PLCL2: variants seen among roughly 807,000 people sequenced by gnomAD.
PLCL2 encodes the protein inactive phospholipase C-like protein 2.
In PLCL2, 4 loss-of-function variants were observed where a neutral mutation model predicts 79.6. That is an observed-to-expected ratio of 0.05 (90% CI 0.02 to 0.11). PLCL2 has a LOEUF of 0.11. PLCL2 is among the 10% of genes least tolerant of loss of function. The pLI, the probability that PLCL2 is intolerant of heterozygous loss-of-function variation, is 1.00. For synonymous variants in PLCL2, 484 were observed against 457.7 expected, an observed-to-expected ratio of 1.06 and a Z score of -0.73; for missense variants, 895 against 1,291.0, an observed-to-expected ratio of 0.69 and a Z score of 4.70.
At chr3:16,926,041 A>T (rs1382860484) in intron 1 of PLCL2, among the ~76,000 whole-genome samples, 1 of 152,246 alleles carries the variant, frequency 6.6e-6, no homozygotes, top group Non-Finnish European at 1.5e-5. Flanking sequence ...ATACTTCTAT[A>T]AATGAAATGT....
intron 3 of PLCL2, 136 bp downstream of exon 3, chr3:17,015,047 T>C: frequency 1.5e-6 from 1 of 680,786 alleles, no homozygotes; most frequent in Non-Finnish European, 2.5e-6. Context: ...GGAGAAGTAA[T>C]TCCCCTGACC....
chr3:17,050,402 G>A (rs1252793951), intron 4 of PLCL2, among the ~76,000 whole-genome samples: 1 of 151,948 alleles, frequency 6.6e-6, no homozygotes, highest in Non-Finnish European at 1.5e-5. Flanking sequence ...AATGGGACAA[G>A]GAATTAATAA....
intron 1 of PLCL2, among the ~76,000 whole-genome samples, chr3:16,975,078 CAGTA>C (rs774360962): frequency 6.6e-5 from 10 of 152,116 alleles, no homozygotes; most frequent in Non-Finnish European, 1.5e-4. Flanking sequence ...CTAGAAGAGG[CAGTA>C]AGGCATGGAG....
At chr3:17,043,155 G>T (rs2064744214) in intron 4 of PLCL2, among the ~76,000 whole-genome samples, 1 of 152,072 alleles carries the variant, frequency 6.6e-6, no homozygotes, top group Non-Finnish European at 1.5e-5. Flanking sequence ...CATTAACATT[G>T]GTCTGAGGTA....
intron 1 of PLCL2, among the ~76,000 whole-genome samples, chr3:17,004,382 A>G (rs1459457328): frequency 6.6e-6 from 1 of 152,140 alleles, no homozygotes; most frequent in African/African-American, 2.4e-5. Flanking sequence ...AATACAGAAT[A>G]CTGTAGAGGA....
intron 1 of PLCL2, among the ~76,000 whole-genome samples, chr3:16,968,915 A>G (rs1327055608): frequency 6.6e-6 from 1 of 152,134 alleles, no homozygotes; most frequent in Admixed American, 6.6e-5. Flanking sequence ...ATTTTGAGGT[A>G]TATTCTTTCA....
intron 1 of PLCL2, among the ~76,000 whole-genome samples, chr3:16,959,237 TC>T (rs2063733297): frequency 6.6e-6 from 1 of 152,154 alleles, no homozygotes; most frequent in Admixed American, 6.5e-5. Flanking sequence ...TCTCTTTTGC[TC>T]CCTTTTACTA....
In PLCL2 at chr3:16,988,032, A is replaced by C. The variant is rs560315783; in HGVS notation, c.328-21642A>C. Among the ~76,000 whole-genome samples the C allele has an allele frequency of 5.9e-5, 9 of 152,296 alleles. No homozygotes were observed. The South Asian group carries it at 1.2e-3, about 21-fold the overall frequency. On this transcript the variant is annotated intron_variant, in intron 1 of 5. Transcript: ENST00000615277. ...ACATTGGTATTTCATTAGTAACCAG[A>C]GAACCATGGATTTGTCAAGCCTGGG...
intron 1 of PLCL2, among the ~76,000 whole-genome samples, chr3:16,916,744 C>G (rs1159506827): frequency 2.6e-5 from 4 of 152,106 alleles, no homozygotes; most frequent in Admixed American, 6.5e-5. Flanking sequence ...TTAAAGAGAC[C>G]TAAACCATAA....
At chr3:17,059,146 C>T (rs918241473) in intron 4 of PLCL2, among the ~76,000 whole-genome samples, 8 of 151,994 alleles carry the variant, frequency 5.3e-5, no homozygotes, top group African/African-American at 1.7e-4. Context: ...AACTTAAATG[C>T]TTACCAGGAG....
intron 4 of PLCL2, among the ~76,000 whole-genome samples, chr3:17,054,271 A>T (rs566299187): frequency 6.6e-6 from 1 of 152,204 alleles, no homozygotes; most frequent in Non-Finnish European, 1.5e-5. Flanking sequence ...CCAGTTCCCA[A>T]TAAGTTCCTC....
At chr3:16,948,294 G>T (rs2063619788) in intron 1 of PLCL2, among the ~76,000 whole-genome samples, 1 of 151,788 alleles carries the variant, frequency 6.6e-6, no homozygotes, top group Non-Finnish European at 1.5e-5. Flanking sequence ...CCGTTTATAT[G>T]AAATGTCTGC....
chr3:16,914,985 G>T (rs745687894), intron 1 of PLCL2, among the ~76,000 whole-genome samples: 2 of 152,108 alleles, frequency 1.3e-5, no homozygotes, highest in Non-Finnish European at 2.9e-5. Flanking sequence ...TTCCACCTCA[G>T]CTACCCAAAG....
chr3:17,074,427 A>G (rs2065090162), intron 5 of PLCL2, among the ~76,000 whole-genome samples: 2 of 152,200 alleles, frequency 1.3e-5, no homozygotes, highest in African/African-American at 4.8e-5. Context: ...GGCAGAGTAA[A>G]TTTAGCATAA....
At chr3:16,962,661 A>T (rs1051475425) in intron 1 of PLCL2, among the ~76,000 whole-genome samples, 1 of 152,198 alleles carries the variant, frequency 6.6e-6, no homozygotes, top group Non-Finnish European at 1.5e-5. Flanking sequence ...TTCAAATCAG[A>T]GGGGAGCAAA....
Position 17,011,955 on chromosome 3 carries a change from C to A in PLCL2, c.2609C>A (p.Ala870Glu). The change falls in exon 2 of 6, where the codon GCA (alanine) becomes GAA (glutamate). Residue 870 changes from alanine (A) to glutamate (E), a missense_variant. Ala to Glu is a moderately radical substitution (Grantham distance 107, BLOSUM62 -1). Around this residue, in one of 6 missense-constraint regions of PLCL2, gnomAD observed 298 missense variants for 459.6 expected, o/e 0.65. Coordinates refer to ENST00000615277, the MANE Select transcript of PLCL2 (RefSeq NM_001144382.2). The surrounding 1 kb of genome is among the most constrained non-coding windows in gnomAD (Gnocchi z 7.9). ...CAGTCCTTAACTGGAGAGGTCCTTG[C>A]ACATGCTTCTTTATTTGTCCACGTG... ...PLQSLTGEVL[A>E]HASLFVHVAI... The A allele has an allele frequency of 6.2e-7, 1 of 1,614,116 alleles. No individual in the cohort carries two copies. The highest frequency in any genetic ancestry group is 8.5e-7 in the Non-Finnish European group (1 of 1,179,970).
At chr3:16,977,470 T>A (rs2063937822) in intron 1 of PLCL2, among the ~76,000 whole-genome samples, 1 of 152,186 alleles carries the variant, frequency 6.6e-6, no homozygotes, top group South Asian at 2.1e-4. Context: ...AGTTCCTTCC[T>A]CTTTTAATCC....
chr3:17,035,649 A>G (rs182990621), intron 3 of PLCL2: 1 of 381,334 alleles, frequency 2.6e-6, no homozygotes, highest in East Asian at 9.0e-5. Context: ...TACTTTGTTC[A>G]TAACACCTCT....
chr3:16,952,715 T>A (rs1055919494), intron 1 of PLCL2, among the ~76,000 whole-genome samples: 1 of 152,102 alleles, frequency 6.6e-6, no homozygotes, highest in East Asian at 1.9e-4. Flanking sequence ...AATTATTTCT[T>A]GAGTGATGAT....
Sources: gnomAD v4.1 joint callset for allele counts (sites outside exome capture counted in the v4.1 genomes callset) on GRCh38, gnomAD v4.1.1 for gene constraint, gnomAD v4.1.1 regional missense constraint, Gnocchi (gnomAD v3.1) non-coding constraint, MANE v1.5 for transcripts, NCBI Gene and HGNC (gene_info 2026-07-23, HGNC 2026-07-21) for gene names.